Variants in CORO1C observed in about 807,000 individuals in gnomAD.
CORO1C encodes the protein coronin 1C.
CORO1C carries 14 observed loss-of-function variants against 51.2 expected under a neutral mutation model. The observed-to-expected ratio is 0.27, with a 90% confidence interval of 0.18 to 0.43. CORO1C has a LOEUF of 0.43. Among genes scored for constraint, CORO1C ranks in the 20% least tolerant of loss-of-function variants. CORO1C has a pLI of 1.00. For synonymous variants in CORO1C, 181 were observed against 210.5 expected (o/e 0.86, Z 1.21); for missense variants, 417 against 607.8 (o/e 0.69, Z 3.30).
chr12:108,688,385 G>T (rs1342628195), intron 2 of CORO1C, among the ~76,000 whole-genome samples: 1 of 152,178 alleles, frequency 6.6e-6, no homozygotes, highest in Non-Finnish European at 1.5e-5. Flanking sequence ...TTCTGTGCTG[G>T]GGTGTGTTTT....
intron 3 of CORO1C, 81 bp downstream of exon 3, chr12:108,678,191 C>G (rs536797731): frequency 7.6e-7 from 1 of 1,313,614 alleles, no homozygotes; most frequent in Non-Finnish European, 1.0e-6. Flanking sequence ...TCTATACATA[C>G]ACACACACCC....
chr12:108,690,405 A>G (rs996000480), intron 2 of CORO1C, among the ~76,000 whole-genome samples: 1 of 152,232 alleles, frequency 6.6e-6, no homozygotes, highest in Non-Finnish European at 1.5e-5. Context: ...CCTGCCTGTG[A>G]GTAAAAAACA....
chr12:108,726,652 A>G (rs2035600286), intron 1 of CORO1C, among the ~76,000 whole-genome samples: 2 of 149,884 alleles, frequency 1.3e-5, no homozygotes, highest in South Asian at 2.1e-4. Context: ...TCTACAAAAC[A>G]TTAAAAAAAA....
chr12:108,682,127 GA>G (rs1418588276), intron 2 of CORO1C, among the ~76,000 whole-genome samples: 6 of 150,478 alleles, frequency 4.0e-5, no homozygotes, highest in Non-Finnish European at 8.9e-5. Flanking sequence ...AAAATAAAAA[GA>G]AAAAAAGGAC....
chr12:108,682,412 C>T (rs945334065), intron 2 of CORO1C, among the ~76,000 whole-genome samples: 1 of 152,142 alleles, frequency 6.6e-6, no homozygotes, highest in Non-Finnish European at 1.5e-5. Context: ...CCAGAACAAA[C>T]AGACTTTAAG....
intron 10 of CORO1C, 147 bp from the exon 11 acceptor site, chr12:108,647,669 A>G (rs972780257): frequency 1.2e-5 from 7 of 600,310 alleles, no homozygotes; most frequent in Non-Finnish European, 2.0e-5. Context: ...TCAAAGCCCT[A>G]CTATGTCTGG....
At chr12:108,691,405 A>G (rs1457452253) in intron 2 of CORO1C, among the ~76,000 whole-genome samples, 1 of 152,196 alleles carries the variant, frequency 6.6e-6, no homozygotes, top group Non-Finnish European at 1.5e-5. Context: ...CCTTGAGTTT[A>G]TTTCAGAGTA....
chr12:108,697,061 G>A (rs942753306), intron 2 of CORO1C, among the ~76,000 whole-genome samples: 1 of 152,226 alleles, frequency 6.6e-6, no homozygotes, highest in East Asian at 1.9e-4. Context: ...TTTAAGTCCT[G>A]GAAGACAGAA....
intron 6 of CORO1C, among the ~76,000 whole-genome samples, chr12:108,657,029 A>G (rs2033054826): frequency 6.6e-6 from 1 of 152,098 alleles, no homozygotes; most frequent in Non-Finnish European, 1.5e-5. Context: ...TGCAAGAAAC[A>G]CCCAAAAATG....
At chr12:108,685,715 T>C (rs1479544564) in intron 2 of CORO1C, among the ~76,000 whole-genome samples, 2 of 152,134 alleles carry the variant, frequency 1.3e-5, no homozygotes, top group Admixed American at 6.5e-5. Flanking sequence ...CTTCCTCTGG[T>C]TGTGATGTCA....
intron 1 of CORO1C, among the ~76,000 whole-genome samples, chr12:108,725,686 T>C (rs2035571752): frequency 6.6e-6 from 1 of 152,228 alleles, no homozygotes; most frequent in Non-Finnish European, 1.5e-5. Context: ...AGTTGACATT[T>C]TTCTTTCTCT....
intron 3 of CORO1C, among the ~76,000 whole-genome samples, chr12:108,676,682 G>A (rs1339941918): frequency 6.6e-6 from 1 of 150,386 alleles, no homozygotes; most frequent in African/African-American, 2.4e-5. Context: ...TGAGGCAGGA[G>A]AATCACTTGA....
intron 1 of CORO1C, among the ~76,000 whole-genome samples, chr12:108,705,641 G>C (rs745789347): frequency 2.0e-5 from 3 of 151,970 alleles, no homozygotes; most frequent in South Asian, 2.1e-4. Flanking sequence ...GTATTATCCT[G>C]ATACCAAAAC....
intron 1 of CORO1C, among the ~76,000 whole-genome samples, chr12:108,706,579 A>G (rs1175486143): frequency 2.0e-5 from 3 of 152,224 alleles, no homozygotes; most frequent in African/African-American, 7.2e-5. Context: ...GTTGCAGGAT[A>G]CAAGATTAAT....
chr12:108,709,914 T>C (rs2035131453), intron 1 of CORO1C, among the ~76,000 whole-genome samples: 2 of 152,206 alleles, frequency 1.3e-5, no homozygotes, highest in Non-Finnish European at 2.9e-5. Flanking sequence ...AACAGTAAGA[T>C]CATCTCAGTA....
At chr12:108,675,197 T>A (rs575088076) in intron 3 of CORO1C, among the ~76,000 whole-genome samples, 2 of 152,186 alleles carry the variant, frequency 1.3e-5, no homozygotes, top group African/African-American at 4.8e-5. Context: ...TATATATACA[T>A]AATGCTACTG....
intron 2 of CORO1C, among the ~76,000 whole-genome samples, chr12:108,678,847 C>T (rs949494240): frequency 6.6e-5 from 10 of 151,492 alleles, no homozygotes; most frequent in African/African-American, 1.5e-4. Flanking sequence ...AAAGGCCGGG[C>T]GCGGTGGCTC....
intron 7 of CORO1C, 130 bp from the exon 8 acceptor site, chr12:108,652,547 A>C: frequency 1.4e-6 from 1 of 698,924 alleles, no homozygotes; most frequent in East Asian, 2.5e-5. Context: ...TTTCTTCCTC[A>C]TAAAGAGGCT....
intron 3 of CORO1C, among the ~76,000 whole-genome samples, chr12:108,672,072 A>G (rs117393101): frequency 6.6e-6 from 1 of 152,148 alleles, no homozygotes; most frequent in Admixed American, 6.5e-5. Context: ...CAATCATTTT[A>G]TATTCAGAGA....
Sources: gnomAD v4.1 joint callset for allele counts (sites outside exome capture counted in the v4.1 genomes callset) on GRCh38, gnomAD v4.1.1 for gene constraint, MANE v1.5 for transcripts, NCBI Gene and HGNC (gene_info 2026-07-23, HGNC 2026-07-21) for gene names.